Variants in SLC2A10 observed in about 807,000 individuals in gnomAD.
SLC2A10 encodes the protein solute carrier family 2, facilitated glucose transporter member 10.
SLC2A10 carries 25 observed loss-of-function variants against 32.1 expected under a neutral mutation model. The observed-to-expected ratio is 0.78, with a 90% CI of 0.57 to 1.09. The LOEUF (loss-of-function observed/expected upper bound fraction) is 1.09, where lower values mean the gene tolerates loss of function less well. SLC2A10 is among the 50% of genes least tolerant of loss of function. The pLI, the probability that SLC2A10 is intolerant of heterozygous loss-of-function variation, is 0.00. For synonymous variants in SLC2A10, 332 were observed against 309.6 expected, an observed-to-expected ratio of 1.07 and a Z score of -0.76; for missense variants, 673 against 686.5, an observed-to-expected ratio of 0.98 and a Z score of 0.22.
intron 1 of SLC2A10, among the ~76,000 whole-genome samples, chr20:46,720,711 T>C (rs932748970): frequency 1.3e-5 from 2 of 152,196 alleles, no homozygotes. Flanking sequence ...TTATTCCATT[T>C]TAAAGGAGAA....
At chr20:46,709,765 G>C in intron 1 of SLC2A10, 25 bp downstream of exon 1, 1 of 1,547,266 alleles carries the variant, frequency 6.5e-7, no homozygotes, top group Non-Finnish European at 8.7e-7. Context: ...GGCGCTGCCT[G>C]CTGGAAGCCC....
rs766250841 is a variant in SLC2A10 at position 46,726,192 on chromosome 20, C to T, written c.1156C>T (p.Pro386Ser). 1 of 1,614,232 alleles carries T rather than the reference C, an allele frequency of 6.2e-7. No individual in the cohort carries two copies. The highest frequency in any genetic ancestry group is 2.2e-5 in the East Asian group (1 of 44,888). The part of the protein sequence containing the change: ...PHPRSGDPSA[P>S]PRLALSSALP... Reference sequence around the variant, plus strand: ...TCCCAGATCTGGAGACCCCTCAGCCCCTCCTCGGCTGGCCCTGAGCTCTGC... The same window carrying T: ...TCCCAGATCTGGAGACCCCTCAGCCTCTCCTCGGCTGGCCCTGAGCTCTGC... Residue 386 changes from proline (P) to serine (S), a missense_variant, in exon 2 of 5, where the codon CCT becomes TCT. Physicochemically the swap from Pro to Ser is moderately conservative, Grantham distance 74. Transcript: ENST00000359271.
intron 4 of SLC2A10, 141 bp from the exon 5 acceptor site, chr20:46,733,615 T>C: frequency 2.7e-6 from 2 of 735,256 alleles, no homozygotes; most frequent in Non-Finnish European, 4.9e-6. Flanking sequence ...GGTGGACATT[T>C]GTAATAAGGC....
At chr20:46,720,244 A>G (rs2123025817) in intron 1 of SLC2A10, among the ~76,000 whole-genome samples, 1 of 152,328 alleles carries the variant, frequency 6.6e-6, no homozygotes, top group East Asian at 1.9e-4. Flanking sequence ...TGTCTTTAAT[A>G]ACCACAGCTC....
At position 46,725,422 on chromosome 20, in the gene SLC2A10, C is replaced by A; in HGVS notation, c.386C>A (p.Pro129Gln). The change falls in exon 2 of 5, where the codon CCA becomes CAA. Residue 129 changes from proline (P) to glutamine (Q), a missense_variant. Physicochemically the swap from Pro to Gln is moderately conservative, Grantham distance 76 (BLOSUM62 -1). Transcript: ENST00000359271. ...ATCTACGTGTCAGAGCTGGTGGGGC[C>A]ACGGCAGCGGGGAGTGCTGGTGTCC... Reference protein sequence around the residue: ...CCIYVSELVGPRQRGVLVSLY... With the variant: ...CCIYVSELVGQRQRGVLVSLY... 1 of 1,614,170 alleles carries A rather than the reference C, an allele frequency of 6.2e-7. No individual in the cohort carries two copies. The highest frequency in any genetic ancestry group is 8.5e-7 in the Non-Finnish European group (1 of 1,180,038).
chr20:46,732,001 A>G (rs1311406779), intron 4 of SLC2A10, among the ~76,000 whole-genome samples: 1 of 152,194 alleles, frequency 6.6e-6, no homozygotes, highest in African/African-American at 2.4e-5. Context: ...CAGTCAAGCC[A>G]CATGCCACGT....
intron 3 of SLC2A10, among the ~76,000 whole-genome samples, chr20:46,727,651 A>G (rs555611992): frequency 6.6e-6 from 1 of 152,160 alleles, no homozygotes; most frequent in East Asian, 1.9e-4. Context: ...GGGTGACATC[A>G]TCTCTTCCTC....
intron 1 of SLC2A10, among the ~76,000 whole-genome samples, chr20:46,712,651 C>CTTTTTTTTTTTTTTTTTT (rs11477202): frequency 1.5e-4 from 14 of 94,422 alleles, no homozygotes; most frequent in Non-Finnish European, 2.2e-4. Flanking sequence ...TTCTTTCTTT[C>CTTTTTTTTTTTTTTTTTT]TTTTTTTTTT....
chr20:46,733,318 C>T (rs557319113), intron 4 of SLC2A10, among the ~76,000 whole-genome samples: 26 of 152,156 alleles, frequency 1.7e-4, no homozygotes, highest in Non-Finnish European at 2.9e-4. Context: ...TTCATGAGAA[C>T]GAACTCACCA....
At chr20:46,710,472 G>GT (rs1270604345) in intron 1 of SLC2A10, 1 of 156,154 alleles carries the variant, frequency 6.4e-6, no homozygotes, top group Non-Finnish European at 1.4e-5. Flanking sequence ...GGGTAAACAC[G>GT]TTTATGAATA....
At chr20:46,732,469 G>A (rs761761847) in intron 4 of SLC2A10, among the ~76,000 whole-genome samples, 1 of 152,128 alleles carries the variant, frequency 6.6e-6, no homozygotes, top group Non-Finnish European at 1.5e-5. Flanking sequence ...GTATAGGAGA[G>A]AGATAGACTA....
chr20:46,709,574 C>T, upstream of SLC2A10: 1 of 885,746 alleles, frequency 1.1e-6, no homozygotes, highest in Non-Finnish European at 1.6e-6. Context: ...CCTGGCTGGC[C>T]GACGTGGCGT....
rs147434866 is a variant in SLC2A10, at chr20:46,710,821, G to T, written c.4+1081G>T. Among the ~76,000 whole-genome samples, 253 of 152,294 alleles carry T rather than the reference G, an allele frequency of 1.7e-3. 1 individual carries two copies. The highest frequency in any genetic ancestry group is 3.1e-3 in the Non-Finnish European group (213 of 68,016). On this transcript the variant is annotated intron_variant, in intron 1 of 4. Coordinates refer to ENST00000359271, the MANE Select transcript of SLC2A10 (RefSeq NM_030777.4). ...GTTCAGATTTTATTGCAAATGCCAC[G>T]GCAAGCTGGAGAAGGGTTTTAAGCT...
chr20:46,709,639 C>T (rs1978783007), upstream of SLC2A10: 10 of 1,446,210 alleles, frequency 6.9e-6, no homozygotes, highest in Non-Finnish European at 9.3e-6. Flanking sequence ...GGGGGCGGGC[C>T]GGAAAGTTTG....
chr20:46,726,891 A>G lies in SLC2A10; in HGVS notation c.1316A>G (p.Tyr439Cys). 1 of 1,614,152 alleles carries G rather than the reference A, an allele frequency of 6.2e-7. No individual in the cohort carries two copies. The highest frequency in any genetic ancestry group is 1.7e-5 in the Admixed American group (1 of 60,018). Reference protein sequence around the residue: ...PVTWLVLSEIYPVEIRGRAFA... With the variant: ...PVTWLVLSEICPVEIRGRAFA... ...ACCTGGCTTGTCCTCAGCGAGATCT[A>G]CCCTGTGGAGATACGAGGAAGAGCC... The change falls in exon 3 of 5, where the codon TAC becomes TGC. Residue 439 changes from tyrosine (Y) to cysteine (C), a missense_variant. By Grantham distance (194) the Tyr-to-Cys change is radical (BLOSUM62 -2). Coordinates refer to ENST00000359271, the MANE Select transcript of SLC2A10 (RefSeq NM_030777.4).
Position 46,725,861 on chromosome 20 carries a change from G to C in SLC2A10, c.825G>C (p.Gly275=), listed in dbSNP as rs1187146469. Reference sequence around the variant, plus strand: ...CCTCAGCCGTGCTGGCCTCTGTGGGGCTTGGCGCAGTGAAGGTGGCAGCTA... The same window carrying C: ...CCTCAGCCGTGCTGGCCTCTGTGGGCCTTGGCGCAGTGAAGGTGGCAGCTA... ...GGSSAVLASV[G]LGAVKVAATL... Residue 275 remains glycine, a synonymous_variant, in exon 2 of 5, where the codon GGG becomes GGC. Coordinates refer to ENST00000359271, the MANE Select transcript of SLC2A10 (RefSeq NM_030777.4). 6.2e-7 allele frequency: 1 copy of C among 1,614,134 alleles called. No homozygotes were observed. The highest frequency in any genetic ancestry group is 1.3e-5 in the African/African-American group (1 of 74,952).
rs1285063741 is a variant in SLC2A10, at chr20:46,729,396, C to T, written c.1455C>T (p.Thr485=). The T allele has an allele frequency of 8.7e-6, 14 of 1,613,894 alleles. No individual in the cohort carries two copies. The highest frequency in any genetic ancestry group is 1.1e-5 in the South Asian group (1 of 91,070). The part of the protein sequence containing the change: ...LSWTFLLYGL[T]AVLGLGFIYL... ...GGACCTTCCTGCTCTACGGACTGACCGCTGTCCTCGGCCTGGGCTTCATCT... is the reference window on the plus strand; with the variant it reads ...GGACCTTCCTGCTCTACGGACTGACTGCTGTCCTCGGCCTGGGCTTCATCT... Residue 485 remains threonine (T), a synonymous_variant, in exon 4 of 5, where the codon ACC becomes ACT. Coordinates refer to ENST00000359271, the MANE Select transcript of SLC2A10 (RefSeq NM_030777.4).
intron 1 of SLC2A10, chr20:46,710,256 G>A: frequency 2.6e-6 from 1 of 391,036 alleles, no homozygotes. Context: ...CATTGGGGTG[G>A]GACGCGTGGG....
At position 46,726,004 on chromosome 20, in the gene SLC2A10, T is replaced by C. The variant is rs780060333; in HGVS notation, c.968T>C (p.Met323Thr). 3.1e-6 allele frequency: 5 copies of C among 1,614,006 alleles called. No individual in the cohort carries two copies. The highest frequency in any genetic ancestry group is 4.2e-6 in the Non-Finnish European group (5 of 1,180,042). The change falls in exon 2 of 5, where the codon ATG becomes ACG. Residue 323 changes from methionine to threonine, a missense_variant. By Grantham distance (81) the Met-to-Thr change is moderately conservative. Coordinates refer to ENST00000359271, the MANE Select transcript of SLC2A10 (RefSeq NM_030777.4). ...GGCCTCGTCAGCTTTGCCGTGCCCA[T>C]GGACTCAGGCCCAAGCTGTCTGGCT... ...GIGLVSFAVP[M>T]DSGPSCLAVP...
Sources: allele counts gnomAD v4.1 joint callset (sites outside exome capture counted in the v4.1 genomes callset), GRCh38; gene constraint gnomAD v4.1.1; transcripts MANE v1.5; gene names NCBI Gene and HGNC (gene_info 2026-07-23, HGNC 2026-07-21).